Variants in GALNT13 observed in about 807,000 individuals in gnomAD.
GALNT13 encodes the protein UDP-GalNAc:polypeptide N-acetylgalactosaminyltransferase 13.
In GALNT13, 28 loss-of-function variants were observed where a neutral mutation model predicts 64.2. That is an observed-to-expected ratio of 0.44 (90% confidence interval 0.32 to 0.60). The LOEUF is 0.60. Ranked by LOEUF, GALNT13 falls within the 20% of genes least tolerant of loss-of-function variation. GALNT13 has a pLI of 0.05. For synonymous variants in GALNT13, 214 were observed against 224.6 expected (o/e 0.95, Z 0.42); for missense variants, 577 against 669.8 (o/e 0.86, Z 1.53).
At chr2:153,175,518 C>G in the GALNT13 span, among the ~76,000 whole-genome samples, 8 of 152,092 alleles carry the variant, frequency 5.3e-5, no homozygotes, top group African/African-American at 1.9e-4. Context: ...GAATGCTGAG[C>G]CTGGTTCTTC....
rs1553495817 is a variant in GALNT13 at position 154,208,648 on chromosome 2, G to GTGTGTT, written c.312-33377_312-33376insTTGTGT. On this transcript the variant is annotated intron_variant, in intron 4 of 12. Coordinates refer to ENST00000392825, the MANE Select transcript of GALNT13 (RefSeq NM_052917.4). ...TCTGTGTGTGTGTGTGTGTGTGTGTGTGTGTGTGTGTGTGTGTGTGTAGCT... is the reference window on the plus strand; with the variant it reads ...TCTGTGTGTGTGTGTGTGTGTGTGTGTGTGTTTGTGTGTGTGTGTGTGTGTGTAGCT... 4.8e-3 allele frequency among the ~76,000 whole-genome samples: 676 copies of GTGTGTT among 142,084 alleles called. 6 individuals carry two copies. The highest frequency in any genetic ancestry group is 0.017 in the African/African-American group (653 of 38,982). 93.2% of individuals were successfully genotyped at this position (142,084 alleles called of 152,430 possible).
intron 9 of GALNT13, among the ~76,000 whole-genome samples, chr2:154,373,696 CA>C (rs1367069841): frequency 1.2e-4 from 19 of 152,112 alleles, no homozygotes; most frequent in Admixed American, 1.1e-3. Flanking sequence ...ATCATTAAGT[CA>C]AAAGACATAA....
Position 153,938,380 on chromosome 2 carries a change from G to C in GALNT13, c.-104-6014G>C, listed in dbSNP as rs554013219. On this transcript the variant is annotated intron_variant, in intron 2 of 12. Transcript: ENST00000392825. ...AGTGTGGAGATGACAGTATGAGGAAGTCAAATAAGCTGCAAAATTGTTGTC... is the reference window on the plus strand; with the variant it reads ...AGTGTGGAGATGACAGTATGAGGAACTCAAATAAGCTGCAAAATTGTTGTC... Among the ~76,000 whole-genome samples the C allele has an allele frequency of 2.2e-3, 335 of 152,294 alleles. 1 individual carries two copies. Among genetic ancestry groups the C allele is most frequent in the South Asian group, 6.8e-3 (33 of 4,826 alleles).
the GALNT13 span, among the ~76,000 whole-genome samples, chr2:153,684,928 G>T: frequency 1.3e-5 from 2 of 151,548 alleles, no homozygotes. Flanking sequence ...TCCTGTGTTA[G>T]TTTGCTAAGG....
the GALNT13 span, among the ~76,000 whole-genome samples, chr2:153,274,849 A>G: frequency 6.6e-6 from 1 of 152,222 alleles, no homozygotes; most frequent in Non-Finnish European, 1.5e-5. Flanking sequence ...TTGTAGAAGT[A>G]GGGTTCTTCT....
chr2:153,687,754 T>C, the GALNT13 span, among the ~76,000 whole-genome samples: 1 of 151,854 alleles, frequency 6.6e-6, no homozygotes, highest in Non-Finnish European at 1.5e-5. Flanking sequence ...GAAATGATGA[T>C]TTAGCCTATA....
intron 8 of GALNT13, among the ~76,000 whole-genome samples, chr2:154,292,802 G>C (rs1175800398): frequency 6.6e-6 from 1 of 152,160 alleles, no homozygotes; most frequent in Admixed American, 6.5e-5. Context: ...TGGTACAACA[G>C]CTGTAAAATT....
intron 3 of GALNT13, among the ~76,000 whole-genome samples, chr2:154,086,721 A>G (rs1205962353): frequency 6.6e-6 from 1 of 152,086 alleles, no homozygotes; most frequent in Admixed American, 6.6e-5. Context: ...GATATTTACT[A>G]AAGCAAAGCA....
At chr2:153,880,277 T>G (rs1256377627) in intron 1 of GALNT13, among the ~76,000 whole-genome samples, 3 of 152,174 alleles carry the variant, frequency 2.0e-5, no homozygotes, top group Non-Finnish European at 4.4e-5. Flanking sequence ...ACTGATGTAT[T>G]GATCTTTAAC....
chr2:153,596,595 AAATT>A, the GALNT13 span, among the ~76,000 whole-genome samples: 7 of 152,162 alleles, frequency 4.6e-5, no homozygotes, highest in African/African-American at 1.4e-4. Flanking sequence ...AATAGTTTCT[AAATT>A]AATCTTTAAC....
chr2:153,228,248 CCATGACT>C, the GALNT13 span, among the ~76,000 whole-genome samples: 1 of 152,092 alleles, frequency 6.6e-6, no homozygotes, highest in Non-Finnish European at 1.5e-5. Flanking sequence ...GGTTGTAGTT[CCATGACT>C]CATAAATTAA....
chr2:153,578,517 A>G, the GALNT13 span, among the ~76,000 whole-genome samples: 11,580 of 152,264 alleles, frequency 0.076, 787 homozygotes, highest in African/African-American at 0.18. Flanking sequence ...AATGTGTATG[A>G]AGGCTGATTG....
At chr2:153,670,255 C>T in the GALNT13 span, among the ~76,000 whole-genome samples, 1 of 152,160 alleles carries the variant, frequency 6.6e-6, no homozygotes, top group Non-Finnish European at 1.5e-5. Context: ...AGGTCCCTGA[C>T]CCCTGTGTAG....
chr2:153,579,418 T>A, the GALNT13 span, among the ~76,000 whole-genome samples: 1 of 152,134 alleles, frequency 6.6e-6, no homozygotes, highest in African/African-American at 2.4e-5. Context: ...TCAGAGAAAG[T>A]CATATATCTT....
intron 3 of GALNT13, among the ~76,000 whole-genome samples, chr2:153,976,034 A>T (rs1304009145): frequency 7.9e-5 from 12 of 152,120 alleles, no homozygotes; most frequent in Admixed American, 7.9e-4. Flanking sequence ...TCACCTGACC[A>T]TTCCAGCTGA....
chr2:153,645,403 A>C, the GALNT13 span, among the ~76,000 whole-genome samples: 1 of 152,132 alleles, frequency 6.6e-6, no homozygotes, highest in African/African-American at 2.4e-5. Flanking sequence ...AACTATTTTT[A>C]TTAATTTTCA....
chr2:153,815,058 A>G, the GALNT13 span, among the ~76,000 whole-genome samples: 2 of 152,198 alleles, frequency 1.3e-5, no homozygotes, highest in African/African-American at 4.8e-5. Context: ...TACAGCTAAA[A>G]TATTCTCAGA....
At chr2:154,162,977 T>A (rs111332694) in intron 4 of GALNT13, among the ~76,000 whole-genome samples, 11,063 of 135,688 alleles carry the variant, frequency 0.082, 482 homozygotes, top group Middle Eastern at 0.15. Flanking sequence ...TTTTTCTATT[T>A]TTTTTTTTAT....
the GALNT13 span, among the ~76,000 whole-genome samples, chr2:153,489,830 A>G: frequency 3.0e-3 from 456 of 152,298 alleles, 17 homozygotes; most frequent in East Asian, 0.082. Flanking sequence ...TTGCAAAGTA[A>G]AATTTCTTAG....
Sources: allele counts gnomAD v4.1 joint callset (sites outside exome capture counted in the v4.1 genomes callset), GRCh38; gene constraint gnomAD v4.1.1; transcripts MANE v1.5; gene names NCBI Gene and HGNC (gene_info 2026-07-23, HGNC 2026-07-21).